CTNNA3: variants seen among roughly 807,000 people sequenced by gnomAD.
CTNNA3 encodes the protein catenin alpha-3.
Under a neutral mutation model 95.7 loss-of-function variants are expected in CTNNA3, and 76 were observed. The observed-to-expected ratio is 0.79, with a 90% confidence interval of 0.66 to 0.96. The LOEUF is 0.96. Ranked by LOEUF, CTNNA3 falls within the 40% of genes least tolerant of loss-of-function variation. The probability of loss-of-function intolerance (pLI) is 0.00; values close to 1 mark genes in which losing one functional copy is unlikely to be tolerated. For missense variants in CTNNA3, 1,191 were observed against 1,089.8 expected (o/e 1.09, Z -1.31); for synonymous variants, 431 against 374.4 (o/e 1.15, Z -1.74).
chr10:66,409,249 GA>G (rs1181529117), intron 11 of CTNNA3, among the ~76,000 whole-genome samples: 1 of 152,134 alleles, frequency 6.6e-6, no homozygotes, highest in East Asian at 1.9e-4. Flanking sequence ...TGAGCAATGA[GA>G]AGTGGTCAAA....
chr10:66,751,409 T>C (rs940450383), intron 9 of CTNNA3, among the ~76,000 whole-genome samples: 5 of 152,218 alleles, frequency 3.3e-5, no homozygotes, highest in South Asian at 2.1e-4. Context: ...ATGCTTTGGA[T>C]TTTTGACATA....
At chr10:66,898,914 G>T (rs1845609736) in intron 7 of CTNNA3, among the ~76,000 whole-genome samples, 2 of 152,032 alleles carry the variant, frequency 1.3e-5, no homozygotes, top group Admixed American at 1.3e-4. Flanking sequence ...ACAATAAACA[G>T]AATGAAAAGG....
chr10:66,798,426 C>T (rs1303504999), intron 7 of CTNNA3, among the ~76,000 whole-genome samples: 1 of 151,508 alleles, frequency 6.6e-6, no homozygotes, highest in Admixed American at 6.6e-5. Context: ...CAAATTATAG[C>T]ACAGGTGGTG....
intron 17 of CTNNA3, among the ~76,000 whole-genome samples, chr10:65,924,273 A>G (rs532955752): frequency 1.1e-4 from 17 of 152,096 alleles, no homozygotes; most frequent in Non-Finnish European, 2.2e-4. Flanking sequence ...TCCTCTTCTC[A>G]GCACCATCAA....
intron 15 of CTNNA3, among the ~76,000 whole-genome samples, chr10:66,015,730 T>C (rs1387990271): frequency 6.6e-6 from 1 of 152,204 alleles, no homozygotes; most frequent in Non-Finnish European, 1.5e-5. Context: ...AATGCTTATG[T>C]GTAAATATTA....
At chr10:67,394,921 C>A (rs904472014) in intron 5 of CTNNA3, among the ~76,000 whole-genome samples, 2 of 151,882 alleles carry the variant, frequency 1.3e-5, no homozygotes, top group South Asian at 4.1e-4. Flanking sequence ...CTTATATGCC[C>A]AAAGATGTCA....
At chr10:66,004,972 C>A (rs1015466813) in intron 15 of CTNNA3, among the ~76,000 whole-genome samples, 5 of 152,138 alleles carry the variant, frequency 3.3e-5, no homozygotes, top group African/African-American at 1.2e-4. Flanking sequence ...TTTCACTAGG[C>A]TAAAGGGAAG....
At chr10:66,103,318 C>A in intron 13 of CTNNA3, 69 bp from the exon 14 acceptor site, 1 of 1,209,942 alleles carries the variant, frequency 8.3e-7, no homozygotes. Flanking sequence ...AACAACGCGG[C>A]AGTACCTTAA....
intron 1 of CTNNA3, among the ~76,000 whole-genome samples, chr10:67,664,546 T>C (rs1222254070): frequency 2.0e-5 from 3 of 152,208 alleles, no homozygotes; most frequent in African/African-American, 7.2e-5. Context: ...ACACCAGAGT[T>C]ATCATTGAGA....
intron 13 of CTNNA3, among the ~76,000 whole-genome samples, chr10:66,197,028 A>G (rs1051090215): frequency 1.3e-5 from 2 of 152,204 alleles, no homozygotes; most frequent in Non-Finnish European, 2.9e-5. Context: ...TGTGAAGAAC[A>G]TAAGACAGCA....
chr10:66,416,880 A>T (rs1340700103), intron 11 of CTNNA3, among the ~76,000 whole-genome samples: 1 of 152,096 alleles, frequency 6.6e-6, no homozygotes, highest in Non-Finnish European at 1.5e-5. Context: ...AAAATGGTGA[A>T]GCAAACATAC....
Position 66,228,652 on chromosome 10 carries a change from C to A in CTNNA3, c.1884+51818G>T, listed in dbSNP as rs73313994. Reference sequence around the variant, plus strand: ...AATCTTCTCTACTTGTATATTAGGTCTATTTGGTCTATATTGCAGTTGAAG... The same window carrying A: ...AATCTTCTCTACTTGTATATTAGGTATATTTGGTCTATATTGCAGTTGAAG... On this transcript the variant is annotated intron_variant, in intron 13 of 17. Coordinates refer to ENST00000433211, the MANE Select transcript of CTNNA3 (RefSeq NM_013266.4). 5.1e-3 allele frequency among the ~76,000 whole-genome samples: 771 copies of A among 152,106 alleles called. 12 individuals carry two copies. Among genetic ancestry groups the A allele is most frequent in the African/African-American group, 0.017 (719 of 41,522 alleles).
rs571695534 is a variant in CTNNA3 at position 67,163,782 on chromosome 10, C to T, written c.1047+16535G>A. On this transcript the variant is annotated intron_variant, in intron 7 of 17. Transcript: ENST00000433211. ...CAATTCCTGAACTACTAAGTGATTTCAGGAGGGTTGCAGGATATAAGATAA... is the reference window on the plus strand; with the variant it reads ...CAATTCCTGAACTACTAAGTGATTTTAGGAGGGTTGCAGGATATAAGATAA... Among the ~76,000 whole-genome samples, 9 of 152,022 alleles carry T rather than the reference C, an allele frequency of 5.9e-5. No individual in the cohort carries two copies. The South Asian group carries it at 1.9e-3, about 32-fold the overall frequency.
intron 4 of CTNNA3, among the ~76,000 whole-genome samples, chr10:67,526,492 T>C (rs146552998): frequency 2.0e-5 from 3 of 152,194 alleles, no homozygotes; most frequent in Non-Finnish European, 4.4e-5. Context: ...AAGTCCTTGC[T>C]ATGCCATTTA....
intron 5 of CTNNA3, among the ~76,000 whole-genome samples, chr10:67,477,715 A>T (rs979038249): frequency 5.9e-5 from 9 of 152,192 alleles, no homozygotes; most frequent in African/African-American, 1.9e-4. Context: ...TAATTACAAA[A>T]ATTAGAAGTA....
intron 1 of CTNNA3, among the ~76,000 whole-genome samples, chr10:67,741,324 A>T (rs1177860219): frequency 4.1e-5 from 6 of 148,026 alleles, no homozygotes; most frequent in Admixed American, 6.7e-5. Flanking sequence ...AAAAAATAAA[A>T]AAATAAAAAA....
At chr10:66,650,108 A>G (rs1845843258) in intron 9 of CTNNA3, among the ~76,000 whole-genome samples, 1 of 152,228 alleles carries the variant, frequency 6.6e-6, no homozygotes, top group African/African-American at 2.4e-5. Flanking sequence ...AAATAGACCC[A>G]ACAGACATAT....
chr10:65,966,326 A>C (rs2077964804), intron 17 of CTNNA3, among the ~76,000 whole-genome samples: 1 of 152,196 alleles, frequency 6.6e-6, no homozygotes, highest in African/African-American at 2.4e-5. Flanking sequence ...CACATTCTGA[A>C]GTCATGCTCT....
intron 1 of CTNNA3, chr10:67,750,237 G>A (rs1841398508): frequency 2.0e-6 from 3 of 1,473,540 alleles, no homozygotes; most frequent in East Asian, 2.3e-5. Flanking sequence ...GGACACAGCA[G>A]GACGTGAGAC....
Sources: allele counts gnomAD v4.1 joint callset (sites outside exome capture counted in the v4.1 genomes callset), GRCh38; gene constraint gnomAD v4.1.1; transcripts MANE v1.5; gene names NCBI Gene and HGNC (gene_info 2026-07-23, HGNC 2026-07-21).